The following ZNF112 variants were observed in gnomAD, a reference collection of about 807,000 sequenced individuals.
ZNF112 encodes zinc finger protein 112 (Y14).
A neutral mutation model predicts 77.7 loss-of-function variants in ZNF112; 37 were observed. That is an observed-to-expected ratio of 0.48 (90% CI 0.37 to 0.63). The LOEUF is 0.63. ZNF112 is among the 20% of genes least tolerant of loss of function. ZNF112 has a pLI of 0.00. For synonymous variants in ZNF112, 333 were observed against 363.6 expected, an observed-to-expected ratio of 0.92 and a Z score of 0.96; for missense variants, 950 against 1,077.4, an observed-to-expected ratio of 0.88 and a Z score of 1.66.
chr19:44,345,586 T>C lies in ZNF112; in HGVS notation c.-3-5044A>G, dbSNP rs1970573735. 1.3e-5 allele frequency among the ~76,000 whole-genome samples: 2 copies of C among 152,228 alleles called. 1 individual carries two copies. Among genetic ancestry groups the C allele is most frequent in the South Asian group, 4.1e-4 (2 of 4,832 alleles). On this transcript the variant is annotated intron_variant, in intron 1 of 3. Coordinates refer to ENST00000354340, the MANE Select transcript of ZNF112 (RefSeq NM_013380.4). ...TTCTGTTAAATATGAAATCACACAG[T>C]GGTCATCCTATAGACTATTGTTGCT...
intron 1 of ZNF112, among the ~76,000 whole-genome samples, chr19:44,350,080 C>T (rs752194918): frequency 2.0e-5 from 3 of 152,006 alleles, no homozygotes; most frequent in Non-Finnish European, 2.9e-5. Flanking sequence ...TGAGGCAGTA[C>T]AATCTGCTAA....
At chr19:44,338,236 G>A (rs1053597878) in intron 2 of ZNF112, among the ~76,000 whole-genome samples, 5 of 152,058 alleles carry the variant, frequency 3.3e-5, no homozygotes, top group African/African-American at 7.3e-5. Context: ...GAGAAGTGGG[G>A]GGCTCTTGTT....
chr19:44,340,621 C>A (rs2123175737), intron 1 of ZNF112, 79 bp from the exon 2 acceptor site: 1 of 1,601,838 alleles, frequency 6.2e-7, no homozygotes, highest in East Asian at 2.2e-5. Flanking sequence ...GGAAGCTGTT[C>A]TGGAGTCTGG....
intron 1 of ZNF112, among the ~76,000 whole-genome samples, chr19:44,356,302 G>C (rs10410305): frequency 0.013 from 1,995 of 152,128 alleles, 49 homozygotes; most frequent in African/African-American, 0.045. Flanking sequence ...AAGAAACATA[G>C]GCAGAGAGAT....
At chr19:44,346,537 A>G (rs951769841) in intron 1 of ZNF112, among the ~76,000 whole-genome samples, 1 of 152,196 alleles carries the variant, frequency 6.6e-6, no homozygotes, top group African/African-American at 2.4e-5. Flanking sequence ...ACATTCTGAA[A>G]AATCTATTGG....
chr19:44,350,045 G>A (rs930993313), intron 1 of ZNF112, among the ~76,000 whole-genome samples: 3 of 151,926 alleles, frequency 2.0e-5, no homozygotes, highest in Admixed American at 6.6e-5. Context: ...TACCAAAGAA[G>A]GTACAAATAC....
At chr19:44,336,153 T>C (rs529468388) in intron 3 of ZNF112, among the ~76,000 whole-genome samples, 2 of 152,362 alleles carry the variant, frequency 1.3e-5, no homozygotes, top group East Asian at 3.9e-4. Flanking sequence ...GCTACCCATC[T>C]ATGAATACTC....
chr19:44,352,642 C>G (rs923898910), intron 1 of ZNF112, among the ~76,000 whole-genome samples: 4 of 151,976 alleles, frequency 2.6e-5, no homozygotes, highest in African/African-American at 9.7e-5. Flanking sequence ...GTGAGTATAG[C>G]AAAGTCAGAG....
intron 3 of ZNF112, among the ~76,000 whole-genome samples, chr19:44,332,287 GC>G (rs1970285238): frequency 1.3e-5 from 2 of 152,076 alleles, no homozygotes; most frequent in Admixed American, 1.3e-4. Context: ...AAAAGAAAAG[GC>G]CACACTGATG....
At chr19:44,347,204 T>C (rs943135541) in intron 1 of ZNF112, among the ~76,000 whole-genome samples, 1 of 152,180 alleles carries the variant, frequency 6.6e-6, no homozygotes, top group African/African-American at 2.4e-5. Context: ...TCTACTTTGA[T>C]ATTAATATAG....
In ZNF112 at chr19:44,329,378, G is replaced by A; in HGVS notation, c.779C>T (p.Ala260Val). Residue 260 changes from alanine to valine, a missense_variant, in exon 4 of 4, where the codon GCC becomes GTC. Around this residue, in one of 3 missense-constraint regions of ZNF112, gnomAD observed 560 missense variants for 557.3 expected, o/e 1.00. Transcript: ENST00000354340. ...CTCAGAGCTGGAGTCATTACTGAAG[G>A]CTTTTCTATACCCAGTACATGGATA... ...KPYPCTGYRK[A>V]FSNDSSSEVH... 1 of 1,613,764 alleles carries A rather than the reference G, an allele frequency of 6.2e-7. No individual in the cohort carries two copies. Among genetic ancestry groups the A allele is most frequent in the Non-Finnish European group, 8.5e-7 (1 of 1,179,786 alleles).
intron 3 of ZNF112, among the ~76,000 whole-genome samples, chr19:44,335,847 A>G (rs771780281): frequency 6.6e-6 from 1 of 152,222 alleles, no homozygotes; most frequent in African/African-American, 2.4e-5. Flanking sequence ...ATCCTTAGCT[A>G]CACAGTTGCG....
At chr19:44,334,139 T>C (rs1970321465) in intron 3 of ZNF112, among the ~76,000 whole-genome samples, 1 of 152,214 alleles carries the variant, frequency 6.6e-6, no homozygotes, top group African/African-American at 2.4e-5. Context: ...CATTTATACA[T>C]TTTCCCAACA....
chr19:44,348,379 T>C (rs1288219576), intron 1 of ZNF112, among the ~76,000 whole-genome samples: 1 of 152,108 alleles, frequency 6.6e-6, no homozygotes, highest in South Asian at 2.1e-4. Context: ...TTTTTCAATT[T>C]TTTTTCTCTC....
chr19:44,348,183 G>C (rs1420342843), intron 1 of ZNF112, among the ~76,000 whole-genome samples: 2 of 151,928 alleles, frequency 1.3e-5, no homozygotes, highest in Non-Finnish European at 2.9e-5. Context: ...GATTTTCTCT[G>C]AGTTTATCGT....
chr19:44,333,923 G>A (rs528043140), intron 3 of ZNF112, among the ~76,000 whole-genome samples: 28 of 152,304 alleles, frequency 1.8e-4, no homozygotes, highest in African/African-American at 6.5e-4. Context: ...ATGGGCAGAG[G>A]TTGTAATAAT....
At chr19:44,361,714 G>A (rs1970856477) in intron 1 of ZNF112, among the ~76,000 whole-genome samples, 2 of 152,136 alleles carry the variant, frequency 1.3e-5, no homozygotes, top group African/African-American at 4.8e-5. Context: ...GTTGATATAG[G>A]ACATTATGCT....
At chr19:44,341,293 A>T in intron 1 of ZNF112, 1 of 432,374 alleles carries the variant, frequency 2.3e-6, no homozygotes, top group Non-Finnish European at 4.6e-6. Context: ...AATTTGATCC[A>T]ACTAATGCAC....
chr19:44,346,875 C>G (rs1490305404), intron 1 of ZNF112, among the ~76,000 whole-genome samples: 4 of 152,168 alleles, frequency 2.6e-5, no homozygotes, highest in African/African-American at 9.7e-5. Context: ...ACAATCAAAC[C>G]TGAAGCACAT....
Sources: gnomAD v4.1 joint callset for allele counts (sites outside exome capture counted in the v4.1 genomes callset) on GRCh38, gnomAD v4.1.1 for gene constraint, gnomAD v4.1.1 regional missense constraint, MANE v1.5 for transcripts, NCBI Gene and HGNC (gene_info 2026-07-23, HGNC 2026-07-21) for gene names.